The following PAX4 variants were observed in gnomAD, a reference collection of about 807,000 sequenced individuals.
The protein encoded by PAX4 is paired box protein Pax-4.
A neutral mutation model predicts 40.6 loss-of-function variants in PAX4; 33 were observed. That is an observed-to-expected ratio of 0.81 (90% CI 0.62 to 1.09). The LOEUF is 1.09. Ranked by LOEUF, PAX4 falls within the 50% of genes least tolerant of loss-of-function variation. The pLI, the probability that PAX4 is intolerant of heterozygous loss-of-function variation, is 0.00. For missense variants in PAX4, 459 were observed against 442.5 expected, an observed-to-expected ratio of 1.04 and a Z score of -0.33; for synonymous variants, 174 against 170.6, an observed-to-expected ratio of 1.02 and a Z score of -0.16.
In PAX4 at chr7:127,614,872, G is replaced by A. The variant is rs1794698320; in HGVS notation, c.360+8C>T. 13 of 1,613,604 alleles carry A rather than the reference G, an allele frequency of 8.1e-6. No individual in the cohort carries two copies. The highest frequency in any genetic ancestry group is 9.3e-6 in the Non-Finnish European group (11 of 1,179,748). ...CCAGCCCCAGTGTGGGGAGGGAAGG[G>A]TACTTACACTGGGAGTCTTGTCCTG... On this transcript the variant is annotated splice_region_variant and intron_variant, in intron 5 of 11. Transcript: ENST00000639438.
rs773308230 is a variant in PAX4 at position 127,614,908 on chromosome 7, C to A, written c.332G>T (p.Gly111Val). 6.8e-6 allele frequency: 11 copies of A among 1,613,998 alleles called. No individual in the cohort carries two copies. Among genetic ancestry groups the A allele is most frequent in the Non-Finnish European group, 9.3e-6 (11 of 1,180,018 alleles). Residue 111 changes from glycine to valine, a missense_variant, in exon 5 of 12, where the codon GGG (glycine) becomes GTG (valine). Physicochemically the swap from Gly to Val is moderately radical, Grantham distance 109. Transcript: ENST00000639438. ...GGGAGTCTTGTCCTGGGTGCAAAGC[C>A]CTTCAGCACAAAGCTGGCGTTGGAT... ...WEIQRQLCAEGLCTQDKTPSV... is the reference protein window; with the variant it reads ...WEIQRQLCAEVLCTQDKTPSV...
At chr7:127,614,244 T>G (rs1454596522) in intron 6 of PAX4, among the ~76,000 whole-genome samples, 4 of 152,132 alleles carry the variant, frequency 2.6e-5, no homozygotes, top group Non-Finnish European at 5.9e-5. Flanking sequence ...ACCCAGGGGC[T>G]AGGGGACCTG....
chr7:127,611,134 T>G lies in PAX4; in HGVS notation c.986A>C (p.His329Pro), dbSNP rs712701. The change falls in exon 12 of 12, where the codon CAC becomes CCC. Residue 329 changes from histidine (H) to proline (P), a missense_variant. His to Pro is a moderately conservative substitution (Grantham distance 77). Transcript: ENST00000639438. The part of the protein sequence containing the change: ...LCLPCPSSHC[H>P]LASLSGSQAL... Reference sequence around the variant, plus strand: ...CTGAGAGCCACTAAGACTGGCCAGGTGACAGTGGGAGGAAGGGCAAGGAAG... The same window carrying G: ...CTGAGAGCCACTAAGACTGGCCAGGGGACAGTGGGAGGAAGGGCAAGGAAG... 1,227,834 of 1,604,714 alleles carry G rather than the reference T, an allele frequency of 0.77. 474,935 individuals carry two copies. Among genetic ancestry groups the G allele is most frequent in the Middle Eastern group, 0.83 (4,916 of 5,940 alleles).
At chr7:127,614,042 A>T (rs1794682309) in intron 6 of PAX4, among the ~76,000 whole-genome samples, 161 bp from the exon 7 acceptor site, 1 of 152,010 alleles carries the variant, frequency 6.6e-6, no homozygotes, top group African/African-American at 2.4e-5. Context: ...CTGCAGGGTC[A>T]CTTGGTGGAA....
In PAX4 at chr7:127,613,078, T is replaced by A. The variant is rs1411765703; in HGVS notation, c.659A>T (p.Asn220Ile). The A allele has an allele frequency of 6.2e-7, 1 of 1,613,588 alleles. No homozygotes were observed. The highest frequency in any genetic ancestry group is 8.5e-7 in the Non-Finnish European group (1 of 1,179,950). The change falls in exon 9 of 12, where the codon AAC (asparagine) becomes ATC (isoleucine). Residue 220 changes from asparagine (N) to isoleucine (I), a missense_variant. Transcript: ENST00000639438. ...TTGCCGACGCCATTTGGCTCTTCTGTTGGAAAACCAGACCTGAGCGAGGAC... is the reference window on the plus strand; with the variant it reads ...TTGCCGACGCCATTTGGCTCTTCTGATGGAAAACCAGACCTGAGCGAGGAC... ...PEDTVRVWFS[N>I]RRAKWRRQEK...
At chr7:127,617,070 A>G (rs756917047) in intron 2 of PAX4, among the ~76,000 whole-genome samples, 1 of 152,240 alleles carries the variant, frequency 6.6e-6, no homozygotes, top group Non-Finnish European at 1.5e-5. Flanking sequence ...CTGCAGTTGT[A>G]TGCTGAATAA....
Position 127,610,535 on chromosome 7 carries a change from GA to G in PAX4, c.*528del. The G allele has an allele frequency of 4.5e-6, 1 of 220,850 alleles. No homozygotes were observed. The highest frequency in any genetic ancestry group is 8.7e-6 in the Non-Finnish European group (1 of 114,742). The allele number at this position is 220,850 out of a possible 1,614,324, so 13.7% of individuals were successfully genotyped here. ...GGAAGATTTAGGAATAAAATGCCAT[GA>G]TATAATGTCAGTGTGTGTGTGTGTG... is the stretch of plus-strand genomic sequence containing the variant. On this transcript the variant is annotated 3_prime_UTR_variant, in exon 12 of 12. Transcript: ENST00000639438.
intron 8 of PAX4, 131 bp downstream of exon 8, chr7:127,613,319 T>A (rs1794666626): frequency 1.7e-5 from 16 of 933,494 alleles, no homozygotes; most frequent in Non-Finnish European, 2.7e-5. Flanking sequence ...GGATCTCATC[T>A]CTGATTGTTG....
rs151008936 is a variant in PAX4 at position 127,615,451 on chromosome 7, G to C, written c.94C>G (p.Arg32Gly). Residue 32 changes from arginine to glycine, a missense_variant, in exon 4 of 12, where the codon CGG becomes GGG. By Grantham distance (125) the Arg-to-Gly change is moderately radical (BLOSUM62 -2). Transcript: ENST00000639438. The part of the protein sequence containing the change: ...LPLDTRQQIV[R>G]LAVSGMRPCD... The stretch of plus-strand genomic sequence containing the variant: ...GGCCGCATTCCACTGACTGCTAGCC[G>C]CACAATCTGCTGCCGGGTATCCAGA... 1.1e-5 allele frequency: 17 copies of C among 1,614,018 alleles called. No individual in the cohort carries two copies. The highest frequency in any genetic ancestry group is 1.4e-5 in the Non-Finnish European group (17 of 1,180,024).
intron 3 of PAX4, 89 bp downstream of exon 3, chr7:127,615,827 A>G: frequency 6.5e-7 from 1 of 1,533,110 alleles, no homozygotes; most frequent in Non-Finnish European, 8.7e-7. Context: ...GGCCAATAGC[A>G]GATGAAACAG....
chr7:127,615,353 C>G, intron 4 of PAX4, 48 bp downstream of exon 4: 1 of 1,613,950 alleles, frequency 6.2e-7, no homozygotes, highest in South Asian at 1.1e-5. Context: ...GGAGCCCTTT[C>G]TCCCTGCTTC....
chr7:127,614,743 G>T (rs1236395052), intron 5 of PAX4, 137 bp downstream of exon 5: 1 of 1,328,044 alleles, frequency 7.5e-7, no homozygotes, highest in Non-Finnish European at 1.1e-6. Flanking sequence ...CTTTTCAAAA[G>T]AAAAACTTAT....
intron 6 of PAX4, among the ~76,000 whole-genome samples, chr7:127,614,198 G>A (rs1794684251): frequency 6.6e-6 from 1 of 152,106 alleles, no homozygotes; most frequent in Non-Finnish European, 1.5e-5. Context: ...GAGGGTATGA[G>A]ATGCAGTCCT....
rs752253116 is a variant in PAX4, at chr7:127,613,864, C to T, written c.454G>A (p.Val152Ile). Residue 152 changes from valine to isoleucine, a missense_variant, in exon 7 of 12, where the codon GTC becomes ATC. Physicochemically the swap from Val to Ile is conservative, Grantham distance 29. Transcript: ENST00000639438. ...TCAGAGCCACTATGGGGAGTGAGGA[C>T]AGCTGGAGCCAAAACAGCTGAAAAG... The part of the protein sequence containing the change: ...LRSPAVLAPA[V>I]LTPHSGSETP... The T allele has an allele frequency of 2.9e-5, 47 of 1,613,914 alleles. No individual in the cohort carries two copies. The South Asian group carries it at 5.1e-4, about 17-fold the overall frequency.
At chr7:127,612,021 C>T (rs868506188) in intron 9 of PAX4, 21 bp from the exon 10 acceptor site, 13 of 1,612,750 alleles carry the variant, frequency 8.1e-6, no homozygotes, top group Non-Finnish European at 1.0e-5. Flanking sequence ...AGAGTGAATC[C>T]ACTCAGAAGG....
chr7:127,612,268 T>TTA (rs1476553578), intron 9 of PAX4, among the ~76,000 whole-genome samples: 1 of 152,218 alleles, frequency 6.6e-6, no homozygotes. Flanking sequence ...GCCCAGCATC[T>TTA]AGCACAGGGT....
chr7:127,617,005 C>T (rs1794732788), intron 2 of PAX4, among the ~76,000 whole-genome samples: 1 of 152,198 alleles, frequency 6.6e-6, no homozygotes, highest in Non-Finnish European at 1.5e-5. Flanking sequence ...CAAGGAACAG[C>T]TTATGCACAG....
rs368932330 is a variant in PAX4 at position 127,613,103 on chromosome 7, C to G, written c.646-12G>C. ...TTGGAAAACCAGACCTGAGCGAGGA[C>G]AGGGACAATGCAGCTGGCTGTACTT... On this transcript the variant is annotated splice_polypyrimidine_tract_variant and intron_variant, in intron 8 of 11. Coordinates refer to ENST00000639438, the MANE Select transcript of PAX4 (RefSeq NM_001366110.1). 3.5e-5 allele frequency: 56 copies of G among 1,610,444 alleles called. No homozygotes were observed. The highest frequency in any genetic ancestry group is 4.6e-5 in the Non-Finnish European group (54 of 1,177,290).
At position 127,613,502 on chromosome 7, in the gene PAX4, A is replaced by G. The variant is rs753159405; in HGVS notation, c.593T>C (p.Val198Ala). ...GGCAGTAGCCAGCTTTCCACGGGCC[A>G]CTGAATCAGGATACTGCCCACGCTG... ...EFQRGQYPDS[V>A]ARGKLATATS... The change falls in exon 8 of 12, where the codon GTG (valine) becomes GCG (alanine). Residue 198 changes from valine to alanine, a missense_variant. Transcript: ENST00000639438. The G allele has an allele frequency of 1.9e-6, 3 of 1,614,060 alleles. No homozygotes were observed. The African/African-American group carries it at 4.0e-5, about 22-fold the overall frequency.
Sources: gnomAD v4.1 joint callset for allele counts (sites outside exome capture counted in the v4.1 genomes callset) on GRCh38, gnomAD v4.1.1 for gene constraint, MANE v1.5 for transcripts, NCBI Gene and HGNC (gene_info 2026-07-23, HGNC 2026-07-21) for gene names.